GRIK3: variants seen among roughly 807,000 people sequenced by gnomAD.
GRIK3 encodes the protein glutamate receptor ionotropic, kainate 3.
In GRIK3, 29 loss-of-function variants were observed where a neutral mutation model predicts 102.5. That is an observed-to-expected ratio of 0.28 (90% CI 0.21 to 0.39). GRIK3 has a LOEUF of 0.39. GRIK3 is among the 10% of genes least tolerant of loss of function. The pLI is 1.00. For synonymous variants in GRIK3, 511 were observed against 504.9 expected (o/e 1.01, Z -0.16); for missense variants, 908 against 1,252.4 (o/e 0.73, Z 4.15).
chr1:36,826,677 AAAT>A (rs1434899679), intron 10 of GRIK3, among the ~76,000 whole-genome samples: 2 of 144,496 alleles, frequency 1.4e-5, no homozygotes, highest in Admixed American at 1.4e-4. Flanking sequence ...TTGTTTCAAA[AAAT>A]AAAAAAAAAA....
chr1:36,841,631 C>A, intron 10 of GRIK3, 105 bp downstream of exon 10: 1 of 952,012 alleles, frequency 1.1e-6, no homozygotes, highest in Non-Finnish European at 1.7e-6. Context: ...TCACTCCTGT[C>A]CCCAGGGCCT....
At chr1:36,992,855 C>T (rs1334805765) in intron 1 of GRIK3, among the ~76,000 whole-genome samples, 5 of 152,176 alleles carry the variant, frequency 3.3e-5, no homozygotes. Flanking sequence ...CACAAAAAGG[C>T]TACTGAACCA....
intron 5 of GRIK3, among the ~76,000 whole-genome samples, chr1:36,866,672 A>G (rs1640788521): frequency 1.3e-5 from 2 of 152,222 alleles, no homozygotes; most frequent in South Asian, 2.1e-4. Flanking sequence ...TCACCACTGT[A>G]TAGATGAGAA....
At chr1:36,893,885 A>G (rs548878503) in intron 1 of GRIK3, among the ~76,000 whole-genome samples, 2 of 152,338 alleles carry the variant, frequency 1.3e-5, no homozygotes, top group African/African-American at 4.8e-5. Context: ...GTGCAGTACA[A>G]TTCCCTTTAG....
chr1:36,887,850 G>A lies in GRIK3; in HGVS notation c.292+3070C>T, dbSNP rs1386856088. On this transcript the variant is annotated intron_variant, in intron 2 of 15. Coordinates refer to ENST00000373091, the MANE Select transcript of GRIK3 (RefSeq NM_000831.4). ...CAGAGATTCACTATATATATATAAT[G>A]AGACTCACTACAGAAACCACCAGAA... Among the ~76,000 whole-genome samples the A allele has an allele frequency of 3.3e-5, 5 of 151,160 alleles. 1 individual carries two copies. The highest frequency in any genetic ancestry group is 7.0e-3 in the Middle Eastern group (2 of 286).
In GRIK3 at chr1:36,819,905, G is replaced by C. The variant is rs1171952377; in HGVS notation, c.1755-51C>G. On this transcript the variant is annotated intron_variant, in intron 11 of 15. Coordinates refer to ENST00000373091, the MANE Select transcript of GRIK3 (RefSeq NM_000831.4). The surrounding 1 kb of genome is among the most constrained non-coding windows in gnomAD (Gnocchi z 4.1). Reference sequence around the variant, plus strand: ...AGCCTGGGAAGCAAGGGGCATCCACGCCCCAGCAGGCAGTGGTTTAGCAAA... The same window carrying C: ...AGCCTGGGAAGCAAGGGGCATCCACCCCCCAGCAGGCAGTGGTTTAGCAAA... 1.1e-6 allele frequency: 1 copy of C among 897,356 alleles called. No homozygotes were observed. Among genetic ancestry groups the C allele is most frequent in the Non-Finnish European group, 1.8e-6 (1 of 546,766 alleles). The allele number at this position is 897,356 out of a possible 1,614,324, so 55.6% of individuals were successfully genotyped here. A position where few individuals can be genotyped will look rare whatever the true frequency, so the allele number is the denominator to read the frequency against.
intron 7 of GRIK3, among the ~76,000 whole-genome samples, chr1:36,854,433 T>A (rs573691267): frequency 5.6e-4 from 86 of 152,238 alleles, no homozygotes; most frequent in African/African-American, 1.9e-3. Flanking sequence ...TTTTTGTCAT[T>A]TTTGTATCGT....
intron 1 of GRIK3, among the ~76,000 whole-genome samples, chr1:37,010,639 G>A (rs1642584758): frequency 6.6e-6 from 1 of 151,974 alleles, no homozygotes; most frequent in South Asian, 2.1e-4. Context: ...CTTGTAGAAA[G>A]CACCCAGGAG....
chr1:36,839,320 A>T (rs1640420043), intron 10 of GRIK3, among the ~76,000 whole-genome samples: 1 of 152,214 alleles, frequency 6.6e-6, no homozygotes, highest in Non-Finnish European at 1.5e-5. Context: ...TAATAATTAT[A>T]GTTATTACTA....
At chr1:36,974,684 G>A (rs995349149) in intron 1 of GRIK3, among the ~76,000 whole-genome samples, 5 of 151,648 alleles carry the variant, frequency 3.3e-5, no homozygotes, top group East Asian at 1.9e-4. Flanking sequence ...CCTGTAGTCC[G>A]AGCCAATCGG....
intron 1 of GRIK3, among the ~76,000 whole-genome samples, chr1:36,987,682 A>G (rs949833567): frequency 6.6e-6 from 1 of 152,080 alleles, no homozygotes; most frequent in Non-Finnish European, 1.5e-5. Context: ...CTTGCAGCAA[A>G]ATCCTGCTGG....
rs938305362 is a variant in GRIK3, at chr1:36,850,115, C to T, written c.1326+196G>A. ...GTGGGAGTGAGACACAAAAACGCAG[C>T]GGCTTCCGCCCGTGGCAGCGAGCAG... On this transcript the variant is annotated intron_variant, in intron 9 of 15. Transcript: ENST00000373091. The surrounding 1 kb of genome is among the most constrained non-coding windows in gnomAD (Gnocchi z 4.0). The T allele has an allele frequency of 1.4e-4, 81 of 567,164 alleles. No individual in the cohort carries two copies. The highest frequency in any genetic ancestry group is 1.1e-3 in the South Asian group (51 of 46,768). 35.1% of individuals were successfully genotyped at this position (567,164 alleles called of 1,614,324 possible). A position where few individuals can be genotyped will look rare whatever the true frequency, so the allele number is the denominator to read the frequency against.
intron 13 of GRIK3, among the ~76,000 whole-genome samples, chr1:36,812,569 G>A (rs1642574704): frequency 6.6e-6 from 1 of 151,908 alleles, no homozygotes; most frequent in African/African-American, 2.4e-5. Flanking sequence ...CAAGACGGAG[G>A]GAGGACAACA....
rs539411231 is a variant in GRIK3, at chr1:36,817,180, C to T, written c.1971G>A (p.Leu657=). 1 of 1,614,044 alleles carries T rather than the reference C, an allele frequency of 6.2e-7. No individual in the cohort carries two copies. The highest frequency in any genetic ancestry group is 1.3e-5 in the African/African-American group (1 of 75,024). ...TGCGCTCCACGGTCAGAAAGGCAGC[C>T]AGGTTGGCCGTGTAGGAAGAGATGA... is the stretch of plus-strand genomic sequence containing the variant. ...LIIISSYTAN[L]AAFLTVERME... The change falls in exon 13 of 16, where the codon CTG becomes CTA. Residue 657 remains leucine (L), a synonymous_variant. Coordinates refer to ENST00000373091, the MANE Select transcript of GRIK3 (RefSeq NM_000831.4).
At position 36,825,770 on chromosome 1, in the gene GRIK3, G is replaced by T; in HGVS notation, c.1587C>A (p.Ile529=). The T allele has an allele frequency of 6.2e-7, 1 of 1,613,772 alleles. No homozygotes were observed. The highest frequency in any genetic ancestry group is 8.5e-7 in the Non-Finnish European group (1 of 1,179,832). ...LTITHVREKA[I]DFSKPFMTLG... The stretch of plus-strand genomic sequence containing the variant: ...GTGTCATGAAGGGCTTGGAGAAGTC[G>T]ATGGCCTTCTCTCGAACATGGGTGA... Residue 529 remains isoleucine, a synonymous_variant, in exon 11 of 16, where the codon ATC becomes ATA. Transcript: ENST00000373091.
At position 36,850,870 on chromosome 1, in the gene GRIK3, G is replaced by A. The variant is rs140598848; in HGVS notation, c.1213-446C>T. Among the ~76,000 whole-genome samples, 38 of 152,328 alleles carry A rather than the reference G, an allele frequency of 2.5e-4. No homozygotes were observed. The highest frequency in any genetic ancestry group is 7.9e-4 in the African/African-American group (33 of 41,566). ...GCACAAGGAGGGGATGGACCTCACTGGGAAATGCTGCTGGGTTTAAAGGCA... is the reference window on the plus strand; with the variant it reads ...GCACAAGGAGGGGATGGACCTCACTAGGAAATGCTGCTGGGTTTAAAGGCA... On this transcript the variant is annotated intron_variant, in intron 8 of 15. Coordinates refer to ENST00000373091, the MANE Select transcript of GRIK3 (RefSeq NM_000831.4). This position sits in a 1 kb window ranked among gnomAD's most constrained non-coding sequence, Gnocchi z 4.0.
Position 36,825,638 on chromosome 1 carries a change from G to C in GRIK3, c.1719C>G (p.Tyr573Ter). The C allele has an allele frequency of 6.2e-7, 1 of 1,605,064 alleles. No homozygotes were observed. Among genetic ancestry groups the C allele is most frequent in the Non-Finnish European group, 8.5e-7 (1 of 1,175,712 alleles). ...PDIWMYVLLAYLGVSCVLFVI... is the reference protein window; with the variant it reads ...PDIWMYVLLA ...CGAAGAGGACACAGCTGACCCCCAGGTAGGCGAGGAGAACATACATCCAGA... is the reference window on the plus strand; with the variant it reads ...CGAAGAGGACACAGCTGACCCCCAGCTAGGCGAGGAGAACATACATCCAGA... The change falls in exon 11 of 16, where the codon TAC becomes TAG. Residue 573 changes from tyrosine (Y) to a stop codon, truncating the protein, a stop_gained. Coordinates refer to ENST00000373091, the MANE Select transcript of GRIK3 (RefSeq NM_000831.4). LOFTEE classifies it high-confidence loss of function.
At position 36,829,759 on chromosome 1, in the gene GRIK3, G is replaced by A. The variant is rs142985938; in HGVS notation, c.1531-3933C>T. Among the ~76,000 whole-genome samples the A allele has an allele frequency of 2.8e-3, 430 of 152,148 alleles. 6 individuals are homozygous for A. The highest frequency in any genetic ancestry group is 9.7e-3 in the African/African-American group (402 of 41,516). ...CCCCACCCATTCTACCACACCCCCAGCTCCCCAAACTGAAGGTAAGAACAA... is the reference window on the plus strand; with the variant it reads ...CCCCACCCATTCTACCACACCCCCAACTCCCCAAACTGAAGGTAAGAACAA... On this transcript the variant is annotated intron_variant, in intron 10 of 15. Transcript: ENST00000373091.
chr1:36,946,840 A>G (rs1641789995), intron 1 of GRIK3, among the ~76,000 whole-genome samples: 1 of 152,168 alleles, frequency 6.6e-6, no homozygotes, highest in Non-Finnish European at 1.5e-5. Flanking sequence ...AACTACCCCG[A>G]CACTGTCTCC....
Sources: gnomAD v4.1 joint callset for allele counts (sites outside exome capture counted in the v4.1 genomes callset) on GRCh38, gnomAD v4.1.1 for gene constraint, Gnocchi (gnomAD v3.1) non-coding constraint, MANE v1.5 for transcripts, NCBI Gene and HGNC (gene_info 2026-07-23, HGNC 2026-07-21) for gene names.